The following ADAMTSL1 variants were observed in gnomAD, a reference collection of about 807,000 sequenced individuals.
ADAMTSL1 encodes ADAMTS like 1.
Under a neutral mutation model 201.8 loss-of-function variants are expected in ADAMTSL1, and 126 were observed. That is an observed-to-expected ratio of 0.62 (90% CI 0.54 to 0.72). The LOEUF (loss-of-function observed/expected upper bound fraction) is 0.72, where lower values mean the gene tolerates loss of function less well. ADAMTSL1 is among the 30% of genes least tolerant of loss of function. The pLI is 0.00. For synonymous variants in ADAMTSL1, 1,121 were observed against 903.4 expected (o/e 1.24, Z -4.32); for missense variants, 2,679 against 2,277.8 (o/e 1.18, Z -3.59).
rs147688671 is a variant in ADAMTSL1, at chr9:17,940,324, G to A, written c.87+33402G>A. Among the ~76,000 whole-genome samples, 897 of 152,224 alleles carry A rather than the reference G, an allele frequency of 5.9e-3. 8 individuals are homozygous for A. Among genetic ancestry groups the A allele is most frequent in the Middle Eastern group, 0.014 (4 of 294 alleles). On this transcript the variant is annotated intron_variant, in intron 1 of 29. Transcript: ENST00000680146. Reference sequence around the variant, plus strand: ...GAGGGTGTTCCAAAGATCCAGGAGAGAGATAATGAGGGCTTGAAGTAGGCT... The same window carrying A: ...GAGGGTGTTCCAAAGATCCAGGAGAAAGATAATGAGGGCTTGAAGTAGGCT...
intron 1 of ADAMTSL1, among the ~76,000 whole-genome samples, chr9:18,136,949 T>A (rs1430344876): frequency 6.6e-6 from 1 of 152,142 alleles, no homozygotes; most frequent in African/African-American, 2.4e-5. Flanking sequence ...AAGCCATAGT[T>A]AAGGTGAAAC....
chr9:18,832,592 C>T (rs1482321121), intron 23 of ADAMTSL1, among the ~76,000 whole-genome samples: 2 of 152,108 alleles, frequency 1.3e-5, no homozygotes, highest in Non-Finnish European at 2.9e-5. Context: ...AATTCTAGAC[C>T]AAGGTGGAAA....
rs1829121850 is a variant in ADAMTSL1 at position 18,889,660 on chromosome 9, A to G, written c.4555A>G (p.Ser1519Gly). 1 of 1,611,326 alleles carries G rather than the reference A, an allele frequency of 6.2e-7. No homozygotes were observed. The highest frequency in any genetic ancestry group is 1.1e-5 in the South Asian group (1 of 90,750). ...QQPRLRCLLN[S>G]TEVNPAHCAG... is the part of the protein sequence containing the mutation. ...GCCCCGCTTGAGGTGCCTGCTGAAC[A>G]GCACGGAGGTCAACCCTGCCCACTG... is the stretch of plus-strand genomic sequence containing the variant. The change falls in exon 25 of 29, where the codon AGC becomes GGC. Residue 1519 changes from serine (S) to glycine (G), a missense_variant. Transcript: ENST00000380548.
At chr9:17,927,973 T>G in intron 1 of ADAMTSL1, among the ~76,000 whole-genome samples, 1 of 151,584 alleles carries the variant, frequency 6.6e-6, no homozygotes, top group Non-Finnish European at 1.5e-5. Context: ...GTGTGGTTCT[T>G]TTTCTTTTCT....
chr9:18,152,209 C>T (rs777682419), intron 1 of ADAMTSL1, among the ~76,000 whole-genome samples: 9 of 152,106 alleles, frequency 5.9e-5, no homozygotes, highest in East Asian at 1.9e-4. Context: ...CTCCAGATCT[C>T]GCTACAAGAG....
chr9:17,911,888 A>C, intron 1 of ADAMTSL1, among the ~76,000 whole-genome samples: 1 of 39,724 alleles, frequency 2.5e-5, no homozygotes, highest in Non-Finnish European at 7.5e-5. Context: ...TCCTGTGTCC[A>C]TGTGTTCTCA....
intron 2 of ADAMTSL1, among the ~76,000 whole-genome samples, chr9:18,518,943 G>T (rs914711333): frequency 1.3e-5 from 2 of 152,128 alleles, no homozygotes; most frequent in East Asian, 3.9e-4. Context: ...AGTAAAAGAG[G>T]CATGGGTGCT....
chr9:18,675,413 TCCA>T (rs1443721264), intron 9 of ADAMTSL1, among the ~76,000 whole-genome samples: 1 of 152,176 alleles, frequency 6.6e-6, no homozygotes, highest in African/African-American at 2.4e-5. Flanking sequence ...GTACATATTC[TCCA>T]GCTTGAATAG....
At chr9:18,127,680 TC>T (rs1281301184) in intron 1 of ADAMTSL1, among the ~76,000 whole-genome samples, 1 of 152,156 alleles carries the variant, frequency 6.6e-6, no homozygotes. Context: ...TAAGGAGTCT[TC>T]GCTGTCAGCA....
chr9:18,738,643 T>C lies in ADAMTSL1; in HGVS notation c.2007-14655T>C, dbSNP rs115521697. The stretch of plus-strand genomic sequence containing the variant: ...GTTTCTGTTTTCCTAGCTGGAAAAA[T>C]AGATAATCTGCTCTGAGGATCAGAG... On this transcript the variant is annotated intron_variant, in intron 15 of 28. Coordinates refer to ENST00000380548, the MANE Select transcript of ADAMTSL1 (RefSeq NM_001040272.6). Among the ~76,000 whole-genome samples the C allele has an allele frequency of 1.7e-3, 261 of 152,236 alleles. 1 individual carries two copies. The highest frequency in any genetic ancestry group is 6.1e-3 in the African/African-American group (254 of 41,538).
chr9:18,549,531 A>T (rs1820670242), intron 3 of ADAMTSL1, among the ~76,000 whole-genome samples: 1 of 152,006 alleles, frequency 6.6e-6, no homozygotes, highest in African/African-American at 2.4e-5. Flanking sequence ...TGATCCCCAA[A>T]GGGGTATGAG....
At chr9:18,666,576 A>G (rs1464151904) in intron 9 of ADAMTSL1, among the ~76,000 whole-genome samples, 1 of 152,126 alleles carries the variant, frequency 6.6e-6, no homozygotes. Context: ...GACATTTAGG[A>G]TCTAGTAAAA....
chr9:18,198,953 T>C (rs1829309517), intron 2 of ADAMTSL1, among the ~76,000 whole-genome samples: 1 of 142,600 alleles, frequency 7.0e-6, no homozygotes, highest in Non-Finnish European at 1.5e-5. Flanking sequence ...GTTCATGTCC[T>C]TTGCAGGGAC....
chr9:18,305,605 G>A (rs922323507), intron 2 of ADAMTSL1, among the ~76,000 whole-genome samples: 8 of 152,210 alleles, frequency 5.3e-5, no homozygotes, highest in African/African-American at 1.9e-4. Context: ...TTCAGACTGG[G>A]CAGAGCCCAC....
chr9:18,189,153 C>A (rs972293905), intron 2 of ADAMTSL1, among the ~76,000 whole-genome samples: 2 of 152,056 alleles, frequency 1.3e-5, no homozygotes, highest in African/African-American at 4.8e-5. Context: ...GAATTAGTTC[C>A]ACTCCACAGT....
intron 2 of ADAMTSL1, among the ~76,000 whole-genome samples, chr9:18,279,113 C>G (rs1325148201): frequency 6.6e-6 from 1 of 152,126 alleles, no homozygotes; most frequent in East Asian, 1.9e-4. Context: ...TCTCCTGTAG[C>G]TCACTGAGCT....
intron 1 of ADAMTSL1, among the ~76,000 whole-genome samples, chr9:17,917,664 C>T (rs1416639509): frequency 6.6e-6 from 1 of 151,840 alleles, no homozygotes; most frequent in Non-Finnish European, 1.5e-5. Context: ...CTTGAAATAT[C>T]TTTGGTTTTG....
chr9:17,927,271 T>C (rs1274329378), intron 1 of ADAMTSL1, among the ~76,000 whole-genome samples: 3 of 152,210 alleles, frequency 2.0e-5, no homozygotes, highest in Admixed American at 1.3e-4. Flanking sequence ...AATATTCCAC[T>C]GCATGAATGT....
intron 1 of ADAMTSL1, among the ~76,000 whole-genome samples, chr9:18,498,958 G>A (rs1004189483): frequency 1.3e-5 from 2 of 152,352 alleles, no homozygotes; most frequent in Non-Finnish European, 1.5e-5. Context: ...GCAGTTAGTC[G>A]CCTTAACAGG....
Sources: gnomAD v4.1 joint callset for allele counts (sites outside exome capture counted in the v4.1 genomes callset) on GRCh38, gnomAD v4.1.1 for gene constraint, MANE v1.5 for transcripts, NCBI Gene and HGNC (gene_info 2026-07-23, HGNC 2026-07-21) for gene names.